The following TRAPPC9 variants were observed in gnomAD, a reference collection of about 807,000 sequenced individuals.
The protein encoded by TRAPPC9 is trafficking protein particle complex subunit 9.
TRAPPC9 carries 83 observed loss-of-function variants against 124.0 expected under a neutral mutation model. The ratio of observed to expected loss-of-function variants is 0.67; its 90% CI spans 0.56 to 0.80. TRAPPC9 has a LOEUF of 0.80. TRAPPC9 is among the 30% of genes least tolerant of loss of function. The pLI, the probability that TRAPPC9 is intolerant of heterozygous loss-of-function variation, is 0.00. For synonymous variants in TRAPPC9, 638 were observed against 617.5 expected (o/e 1.03, Z -0.49); for missense variants, 1,302 against 1,508.3 (o/e 0.86, Z 2.27).
chr8:139,954,003 C>T (rs947291877), intron 19 of TRAPPC9, among the ~76,000 whole-genome samples: 1 of 152,114 alleles, frequency 6.6e-6, no homozygotes, highest in Non-Finnish European at 1.5e-5. Flanking sequence ...AATAATTATC[C>T]TGAGTGAAAG....
At chr8:139,892,713 T>C (rs1259799549) in intron 20 of TRAPPC9, among the ~76,000 whole-genome samples, 3 of 152,200 alleles carry the variant, frequency 2.0e-5, no homozygotes, top group African/African-American at 7.2e-5. Context: ...CACTCTGGCT[T>C]TCCTCCGCTA....
intron 21 of TRAPPC9, among the ~76,000 whole-genome samples, chr8:139,849,364 A>G (rs1827301976): frequency 6.6e-6 from 1 of 152,228 alleles, no homozygotes; most frequent in African/African-American, 2.4e-5. Flanking sequence ...CTCAGGGGCC[A>G]GCAGCGGCCA....
chr8:140,419,614 G>A (rs919587000), intron 5 of TRAPPC9, among the ~76,000 whole-genome samples: 1 of 151,740 alleles, frequency 6.6e-6, no homozygotes, highest in Admixed American at 6.6e-5. Flanking sequence ...GGCCGGGTGC[G>A]GTGGCTCACG....
intron 17 of TRAPPC9, among the ~76,000 whole-genome samples, chr8:140,059,457 GT>G (rs1015582349): frequency 4.6e-5 from 7 of 152,158 alleles, no homozygotes; most frequent in African/African-American, 1.7e-4. Flanking sequence ...TTTCCCTTGG[GT>G]AAGTACCTAG....
At position 140,405,607 on chromosome 8, in the gene TRAPPC9, C is replaced by T. The variant is rs1588295126; in HGVS notation, c.978G>A (p.Lys326=). The T allele has an allele frequency of 1.2e-6, 2 of 1,614,166 alleles. No individual in the cohort carries two copies. The highest frequency in any genetic ancestry group is 3.3e-5 in the Admixed American group (2 of 60,024). ...NCLSPEDIID[K]YKEAISYYSK... is the part of the protein sequence containing the mutation. ...TGTAATAGGAAATCGCCTCTTTATACTTGTCAATTATGTCTTCAGGGCTAA... is the reference window on the plus strand; with the variant it reads ...TGTAATAGGAAATCGCCTCTTTATATTTGTCAATTATGTCTTCAGGGCTAA... Residue 326 remains lysine, a synonymous_variant, in exon 6 of 23, where the codon AAG becomes AAA. Transcript: ENST00000438773.
At chr8:139,952,709 C>A (rs1246413763) in intron 19 of TRAPPC9, among the ~76,000 whole-genome samples, 1 of 152,156 alleles carries the variant, frequency 6.6e-6, no homozygotes, top group African/African-American at 2.4e-5. Flanking sequence ...TGGTGGGGCA[C>A]CTGGAAAGCA....
At chr8:140,026,282 C>G (rs1005782843) in intron 17 of TRAPPC9, among the ~76,000 whole-genome samples, 1 of 152,150 alleles carries the variant, frequency 6.6e-6, no homozygotes, top group East Asian at 1.9e-4. Context: ...CCCCTTGGCT[C>G]GTGTGAACAG....
At chr8:139,843,978 T>C (rs1204329865) in intron 21 of TRAPPC9, among the ~76,000 whole-genome samples, 1 of 152,210 alleles carries the variant, frequency 6.6e-6, no homozygotes, top group African/African-American at 2.4e-5. Flanking sequence ...CTCTAGCTAT[T>C]CCTTGGCAAC....
chr8:140,075,337 G>A (rs1175162094), intron 17 of TRAPPC9, among the ~76,000 whole-genome samples: 1 of 152,170 alleles, frequency 6.6e-6, no homozygotes, highest in Non-Finnish European at 1.5e-5. Context: ...TTGACTAGTT[G>A]GGGCCAACTT....
rs55795108 is a variant in TRAPPC9 at position 140,313,083 on chromosome 8, G to A, written c.1496-1709C>T. 6.7e-3 allele frequency among the ~76,000 whole-genome samples: 1,019 copies of A among 152,272 alleles called. 4 individuals are homozygous for A. The highest frequency in any genetic ancestry group is 0.01 in the Non-Finnish European group (706 of 68,022). ...CCTCCCTCATTCTTAGGAAGCCAGA[G>A]AGCAGAGCAGAAAAGTGACCAGAAT... On this transcript the variant is annotated intron_variant, in intron 9 of 22. Coordinates refer to ENST00000438773, the MANE Select transcript of TRAPPC9 (RefSeq NM_001160372.4).
intron 17 of TRAPPC9, among the ~76,000 whole-genome samples, chr8:140,116,111 G>T (rs955396741): frequency 6.6e-6 from 1 of 152,154 alleles, no homozygotes; most frequent in South Asian, 2.1e-4. Flanking sequence ...GCAACTGCAC[G>T]CAGGATATGA....
intron 8 of TRAPPC9, among the ~76,000 whole-genome samples, chr8:140,361,489 G>A (rs2067952783): frequency 6.6e-6 from 1 of 152,216 alleles, no homozygotes. Flanking sequence ...ACAAGTTAAA[G>A]TTATAAGGCT....
chr8:139,768,795 T>C (rs1586804150), intron 21 of TRAPPC9, among the ~76,000 whole-genome samples: 1 of 152,176 alleles, frequency 6.6e-6, no homozygotes, highest in Non-Finnish European at 1.5e-5. Flanking sequence ...AAAATTCCCA[T>C]GTTGAAGCCC....
Position 140,257,703 on chromosome 8 carries a change from C to T in TRAPPC9, c.2279-4774G>A, listed in dbSNP as rs1231162588. ...GTCTTCCCCTACCTTCTCTGCCTGGCTGGATTTTCTAGAGCTTTTTAATAC... is the reference window on the plus strand; with the variant it reads ...GTCTTCCCCTACCTTCTCTGCCTGGTTGGATTTTCTAGAGCTTTTTAATAC... On this transcript the variant is annotated intron_variant, in intron 15 of 22. Transcript: ENST00000438773. This position sits in a 1 kb window ranked among gnomAD's most constrained non-coding sequence, Gnocchi z 4.6. Among the ~76,000 whole-genome samples the T allele has an allele frequency of 6.6e-6, 1 of 152,156 alleles. No homozygotes were observed. Among genetic ancestry groups the T allele is most frequent in the African/African-American group, 2.4e-5 (1 of 41,428 alleles).
intron 21 of TRAPPC9, among the ~76,000 whole-genome samples, chr8:139,829,983 G>A (rs1825868233): frequency 6.6e-6 from 1 of 152,202 alleles, no homozygotes; most frequent in Non-Finnish European, 1.5e-5. Context: ...TACATGCATG[G>A]GTAGGGGTGG....
intron 17 of TRAPPC9, among the ~76,000 whole-genome samples, chr8:140,114,831 G>A (rs929153014): frequency 6.6e-6 from 1 of 152,188 alleles, no homozygotes. Flanking sequence ...GGAGGGAACT[G>A]TCGATGATCC....
intron 21 of TRAPPC9, among the ~76,000 whole-genome samples, chr8:139,772,205 T>C (rs1450806763): frequency 1.3e-5 from 2 of 152,212 alleles, no homozygotes; most frequent in Non-Finnish European, 2.9e-5. Context: ...CGCATGAATA[T>C]GCTCCAGGTG....
At chr8:140,226,170 C>T (rs778114535) in intron 16 of TRAPPC9, among the ~76,000 whole-genome samples, 7 of 152,138 alleles carry the variant, frequency 4.6e-5, no homozygotes, top group Non-Finnish European at 8.8e-5. Context: ...AACATCCCAT[C>T]AACAGTGTGT....
intron 17 of TRAPPC9, among the ~76,000 whole-genome samples, chr8:140,123,478 C>T (rs1221449141): frequency 6.6e-6 from 1 of 152,112 alleles, no homozygotes; most frequent in African/African-American, 2.4e-5. Context: ...ATCTGCTCTC[C>T]CTGCCCTGCC....
Sources: allele counts gnomAD v4.1 joint callset (sites outside exome capture counted in the v4.1 genomes callset), GRCh38; gene constraint gnomAD v4.1.1; non-coding constraint Gnocchi (gnomAD v3.1); transcripts MANE v1.5; gene names NCBI Gene and HGNC (gene_info 2026-07-23, HGNC 2026-07-21).